Variants in BICRAL observed in about 807,000 individuals in gnomAD.
BICRAL encodes BRD4-interacting chromatin-remodeling complex-associated protein-like.
In BICRAL, 8 loss-of-function variants were observed where a neutral mutation model predicts 91.8. That is an observed-to-expected ratio of 0.09 (90% CI 0.05 to 0.16). The LOEUF is 0.16. Ranked by LOEUF, BICRAL falls within the 10% of genes least tolerant of loss-of-function variation. The probability of loss-of-function intolerance (pLI) is 1.00; values close to 1 mark genes in which losing one functional copy is unlikely to be tolerated. For synonymous variants in BICRAL, 445 were observed against 491.1 expected, an observed-to-expected ratio of 0.91 and a Z score of 1.24; for missense variants, 1,038 against 1,310.9, an observed-to-expected ratio of 0.79 and a Z score of 3.21.
intron 1 of BICRAL, among the ~76,000 whole-genome samples, chr6:42,782,970 C>CTGGGGAGGGGGAGGGGAGAGGG: frequency 7.6e-6 from 1 of 131,444 alleles, no homozygotes; most frequent in Non-Finnish European, 1.6e-5. Flanking sequence ...GACCCCGCGT[C>CTGGGGAGGGGGAGGGGAGAGGG]TGGGGAGGGG....
intron 1 of BICRAL, among the ~76,000 whole-genome samples, chr6:42,756,971 A>G (rs1006149562): frequency 2.0e-4 from 24 of 118,924 alleles, no homozygotes; most frequent in Non-Finnish European, 3.2e-4. Context: ...CTTGTTATTC[A>G]GTAGTGGAGT....
intron 6 of BICRAL, among the ~76,000 whole-genome samples, chr6:42,845,667 T>TTTGCCCCATTTACA (rs1764984735): frequency 6.6e-6 from 1 of 152,138 alleles, no homozygotes; most frequent in East Asian, 1.9e-4. Context: ...TGCCCCAGGC[T>TTTGCCCCATTTACA]ATCTTTACAT....
At chr6:42,783,088 G>A (rs1327906891) in intron 1 of BICRAL, among the ~76,000 whole-genome samples, 1 of 151,430 alleles carries the variant, frequency 6.6e-6, no homozygotes. Context: ...GAGCAGGTCC[G>A]GGGTGCGGCG....
intron 6 of BICRAL, among the ~76,000 whole-genome samples, chr6:42,850,250 TG>T (rs1765136034): frequency 6.6e-6 from 1 of 152,128 alleles, no homozygotes; most frequent in African/African-American, 2.4e-5. Context: ...CTGGGTGTAG[TG>T]GCTCACGCCT....
intron 2 of BICRAL, among the ~76,000 whole-genome samples, chr6:42,817,025 A>G (rs1764013584): frequency 6.6e-6 from 1 of 151,616 alleles, no homozygotes; most frequent in African/African-American, 2.4e-5. Context: ...AAAAAAAAAA[A>G]AAAAAATTGT....
At chr6:42,748,852 C>T (rs2152017769) in intron 1 of BICRAL, among the ~76,000 whole-genome samples, 1 of 152,326 alleles carries the variant, frequency 6.6e-6, no homozygotes, top group Non-Finnish European at 1.5e-5. Flanking sequence ...GCTGTGTTTG[C>T]ATCCTCTCTC....
Position 42,865,780 on chromosome 6 carries a change from G to T in BICRAL, c.*334G>T. On this transcript the variant is annotated 3_prime_UTR_variant, in exon 13 of 13. Coordinates refer to ENST00000314073, the MANE Select transcript of BICRAL (RefSeq NM_001393499.1). Reference sequence around the variant, plus strand: ...AACACTGTAACTCAATGAGACCACAGTATACTTGGCCCTTGGTAAAATTTT... The same window carrying T: ...AACACTGTAACTCAATGAGACCACATTATACTTGGCCCTTGGTAAAATTTT... The T allele has an allele frequency of 4.6e-6, 1 of 215,962 alleles. No individual in the cohort carries two copies. The highest frequency in any genetic ancestry group is 9.2e-6 in the Non-Finnish European group (1 of 108,522). The allele number at this position is 215,962 out of a possible 1,614,324, so 13.4% of individuals were successfully genotyped here. A position where few individuals can be genotyped will look rare whatever the true frequency, so the allele number is the denominator to read the frequency against.
intron 1 of BICRAL, among the ~76,000 whole-genome samples, chr6:42,767,956 C>T (rs1221088598): frequency 4.6e-5 from 7 of 151,966 alleles, no homozygotes; most frequent in South Asian, 2.1e-4. Flanking sequence ...ATGGAGGAGG[C>T]GTGGTGGAAG....
intron 2 of BICRAL, among the ~76,000 whole-genome samples, chr6:42,819,782 G>C (rs1273710182): frequency 6.6e-6 from 1 of 152,206 alleles, no homozygotes; most frequent in East Asian, 1.9e-4. Context: ...GGTGAGAAAA[G>C]AGTGTGACCC....
At chr6:42,781,623 G>GTGTGTGT (rs1762911847), upstream of BICRAL, among the ~76,000 whole-genome samples, 2 of 148,844 alleles carry the variant, frequency 1.3e-5, no homozygotes, top group Non-Finnish European at 3.0e-5. Context: ...GTGTGTGTGT[G>GTGTGTGT]GAGAGAGAGC....
intron 6 of BICRAL, among the ~76,000 whole-genome samples, chr6:42,850,728 A>G (rs745695209): frequency 1.3e-5 from 2 of 151,940 alleles, no homozygotes; most frequent in African/African-American, 2.4e-5. Flanking sequence ...TACTAAAAAT[A>G]CAAAAGATAG....
intron 6 of BICRAL, among the ~76,000 whole-genome samples, chr6:42,845,193 G>GTGTTTTTTTTTTT (rs1764960778): frequency 2.9e-5 from 1 of 34,132 alleles, no homozygotes; most frequent in African/African-American, 9.5e-5. Flanking sequence ...TGTTTTTTGG[G>GTGTTTTTTTTTTT]TGTTTTTTTT....
intron 1 of BICRAL, among the ~76,000 whole-genome samples, chr6:42,805,210 G>T (rs1201970016): frequency 6.6e-6 from 1 of 152,212 alleles, no homozygotes; most frequent in East Asian, 1.9e-4. Flanking sequence ...GTAGACATGG[G>T]AGAGGAAGAA....
At chr6:42,793,927 C>G (rs990651645) in intron 1 of BICRAL, among the ~76,000 whole-genome samples, 2 of 151,564 alleles carry the variant, frequency 1.3e-5, no homozygotes, top group African/African-American at 4.8e-5. Flanking sequence ...ACAGGGTTTC[C>G]CCATGTTGTC....
At chr6:42,783,430 G>T (rs867921249) in intron 1 of BICRAL, among the ~76,000 whole-genome samples, 3 of 152,104 alleles carry the variant, frequency 2.0e-5, no homozygotes, top group Admixed American at 6.5e-5. Flanking sequence ...GATATTGGGT[G>T]GGGGGGTGCG....
At chr6:42,830,765 A>G (rs1332618479) in intron 6 of BICRAL, among the ~76,000 whole-genome samples, 3 of 152,034 alleles carry the variant, frequency 2.0e-5, no homozygotes, top group Admixed American at 1.3e-4. Flanking sequence ...ACAAGCACAT[A>G]CCAGCACACC....
chr6:42,846,212 T>TA (rs1357071401), intron 6 of BICRAL, among the ~76,000 whole-genome samples: 1 of 148,946 alleles, frequency 6.7e-6, no homozygotes, highest in African/African-American at 2.5e-5. Flanking sequence ...CCATCTCTAC[T>TA]AAAAATACAA....
intron 1 of BICRAL, among the ~76,000 whole-genome samples, chr6:42,799,493 A>G (rs1691568566): frequency 6.6e-6 from 1 of 151,176 alleles, no homozygotes; most frequent in Non-Finnish European, 1.5e-5. Context: ...ATGGGGTTTC[A>G]CCGTGTTAGC....
chr6:42,781,596 G>GGGGTGTGTGT (rs1554275298), upstream of BICRAL, among the ~76,000 whole-genome samples: 1 of 103,476 alleles, frequency 9.7e-6, no homozygotes. Context: ...TGGGTGGGTG[G>GGGGTGTGTGT]GTGTGTGTGT....
Sources: gnomAD v4.1 joint callset for allele counts (sites outside exome capture counted in the v4.1 genomes callset) on GRCh38, gnomAD v4.1.1 for gene constraint, MANE v1.5 for transcripts, NCBI Gene and HGNC (gene_info 2026-07-23, HGNC 2026-07-21) for gene names.